Variants in ESCO1 observed in about 807,000 individuals in gnomAD.
ESCO1 encodes the protein establishment of sister chromatid cohesion N-acetyltransferase 1, also known as N-acetyltransferase ESCO1.
In ESCO1, 33 loss-of-function variants were observed where a neutral mutation model predicts 83.5. The observed-to-expected ratio is 0.40, with a 90% CI of 0.30 to 0.53. The LOEUF (loss-of-function observed/expected upper bound fraction) is 0.53. Among genes scored for constraint, ESCO1 ranks in the 20% least tolerant of loss-of-function variants. The probability of loss-of-function intolerance (pLI) is 0.63; values close to 1 mark genes in which losing one functional copy is unlikely to be tolerated. For synonymous variants in ESCO1, 332 were observed against 324.3 expected (o/e 1.02, Z -0.25); for missense variants, 855 against 968.0 (o/e 0.88, Z 1.55).
intron 3 of ESCO1, 25 bp downstream of exon 3, chr18:21,575,647 A>C (rs995938360): frequency 1.5e-5 from 6 of 398,308 alleles, no homozygotes; most frequent in African/African-American, 1.2e-4. Flanking sequence ...GTTGAAAATC[A>C]GTGTATTCCT....
intron 1 of ESCO1, among the ~76,000 whole-genome samples, chr18:21,598,493 A>G (rs2038795981): frequency 6.6e-6 from 1 of 152,064 alleles, no homozygotes; most frequent in Non-Finnish European, 1.5e-5. Context: ...TGAGGTCAGG[A>G]GTTCAAGACC....
intron 6 of ESCO1, among the ~76,000 whole-genome samples, chr18:21,565,813 CTA>C (rs1482492508): frequency 6.6e-6 from 1 of 152,196 alleles, no homozygotes; most frequent in East Asian, 1.9e-4. Flanking sequence ...TGGTGCCACA[CTA>C]TAGTCCTAGC....
intron 8 of ESCO1, among the ~76,000 whole-genome samples, chr18:21,559,380 AGAT>A: frequency 6.6e-6 from 1 of 152,366 alleles, no homozygotes; most frequent in East Asian, 1.9e-4. Context: ...TGTGTTTGGA[AGAT>A]GATGACTCCA....
chr18:21,553,276 CACA>C (rs2038067333), intron 8 of ESCO1, among the ~76,000 whole-genome samples: 1 of 151,658 alleles, frequency 6.6e-6, no homozygotes, highest in African/African-American at 2.4e-5. Context: ...AGTGACAGAG[CACA>C]ACCTTGTCTC....
At chr18:21,585,011 G>A (rs1007552886) in intron 1 of ESCO1, among the ~76,000 whole-genome samples, 8 of 151,724 alleles carry the variant, frequency 5.3e-5, no homozygotes, top group Admixed American at 3.3e-4. Context: ...GTGTGGTGGC[G>A]GGTGCCTGTA....
intron 8 of ESCO1, among the ~76,000 whole-genome samples, chr18:21,545,824 G>C (rs188689819): frequency 2.1e-4 from 32 of 152,218 alleles, no homozygotes; most frequent in South Asian, 8.3e-4. Flanking sequence ...AGCTACTCGG[G>C]GGGGCTGAGG....
intron 4 of ESCO1, among the ~76,000 whole-genome samples, chr18:21,570,536 A>G (rs1024138243): frequency 6.6e-6 from 1 of 152,234 alleles, no homozygotes; most frequent in Non-Finnish European, 1.5e-5. Context: ...ATGTGCTAGT[A>G]TTTTTGTAAA....
intron 2 of ESCO1, among the ~76,000 whole-genome samples, chr18:21,579,806 A>ACGCGCGCG (rs2095726413): frequency 1.1e-5 from 1 of 91,980 alleles, no homozygotes; most frequent in Non-Finnish European, 2.7e-5. Flanking sequence ...ACACACACAC[A>ACGCGCGCG]CACACACACA....
intron 1 of ESCO1, among the ~76,000 whole-genome samples, chr18:21,597,557 T>A (rs1467755501): frequency 6.6e-6 from 1 of 151,932 alleles, no homozygotes; most frequent in African/African-American, 2.4e-5. Flanking sequence ...AGTTTAATTA[T>A]TTCAAATGAA....
chr18:21,548,939 TAAAAAAAA>T (rs796154017), intron 8 of ESCO1, among the ~76,000 whole-genome samples: 10 of 140,328 alleles, frequency 7.1e-5, no homozygotes, highest in Non-Finnish European at 1.6e-4. Context: ...CCCTGTCTCT[TAAAAAAAA>T]AAAAAAGAGG....
At chr18:21,579,794 G>GCACA (rs765904584) in intron 2 of ESCO1, among the ~76,000 whole-genome samples, 600 of 37,152 alleles carry the variant, frequency 0.016, 10 homozygotes, top group Non-Finnish European at 0.037. Context: ...ACGCGCGCGC[G>GCACA]CACACACACA....
At chr18:21,548,304 G>A (rs1299086268) in intron 8 of ESCO1, among the ~76,000 whole-genome samples, 2 of 151,616 alleles carry the variant, frequency 1.3e-5, no homozygotes, top group Non-Finnish European at 2.9e-5. Flanking sequence ...ACCAGCCTGG[G>A]CTACACAGTA....
At chr18:21,530,607 T>TA in intron 11 of ESCO1, 117 bp from the exon 12 acceptor site, 1 of 922,488 alleles carries the variant, frequency 1.1e-6, no homozygotes. Flanking sequence ...AAAAGCTTTT[T>TA]AGATACTGCT....
rs568226827 is a variant in ESCO1 at position 21,576,948 on chromosome 18, G to A, written c.-693-1171C>T. ...CTCGGGAGGCTGAAGCAGGAGAATC[G>A]CTTGAACTCAGGAGGTGGAGGTTGC... is the stretch of plus-strand genomic sequence containing the variant. On this transcript the variant is annotated intron_variant, in intron 2 of 11. Coordinates refer to ENST00000269214, the MANE Select transcript of ESCO1 (RefSeq NM_052911.3). Among the ~76,000 whole-genome samples, 8 of 151,652 alleles carry A rather than the reference G, an allele frequency of 5.3e-5. No individual in the cohort carries two copies. The East Asian group carries it at 9.7e-4, about 18-fold the overall frequency.
rs141057709 is a variant in ESCO1 at position 21,540,279 on chromosome 18, C to T, written c.1954-270G>A. On this transcript the variant is annotated intron_variant, in intron 8 of 11. Transcript: ENST00000269214. ...AGAGTATTTCTAATTTATCATTTCC[C>T]GTTTTAAATTAATTTTGAAAGCCAC... is the stretch of plus-strand genomic sequence containing the variant. 2.1e-3 allele frequency among the ~76,000 whole-genome samples: 319 copies of T among 152,214 alleles called. 1 individual carries two copies. Among genetic ancestry groups the T allele is most frequent in the African/African-American group, 7.4e-3 (307 of 41,546 alleles).
At chr18:21,559,376 T>C (rs1402087520) in intron 8 of ESCO1, among the ~76,000 whole-genome samples, 1 of 152,252 alleles carries the variant, frequency 6.6e-6, no homozygotes, top group Admixed American at 6.5e-5. Flanking sequence ...AGAATGTGTT[T>C]GGAAGATGAT....
intron 4 of ESCO1, among the ~76,000 whole-genome samples, chr18:21,568,548 T>C (rs1024903204): frequency 1.3e-5 from 2 of 152,284 alleles, no homozygotes; most frequent in Middle Eastern, 3.4e-3. Context: ...AACTAGTGAG[T>C]GCACTTAAAA....
chr18:21,545,889 C>T (rs2037968007), intron 8 of ESCO1, among the ~76,000 whole-genome samples: 1 of 152,184 alleles, frequency 6.6e-6, no homozygotes, highest in East Asian at 1.9e-4. Flanking sequence ...GAGATCATGT[C>T]ACTGCACTCC....
chr18:21,581,470 G>T (rs2038501384), intron 2 of ESCO1, among the ~76,000 whole-genome samples: 1 of 152,016 alleles, frequency 6.6e-6, no homozygotes. Flanking sequence ...AATTAGCTGG[G>T]CATGGTCATG....
Sources: allele counts gnomAD v4.1 joint callset (sites outside exome capture counted in the v4.1 genomes callset), GRCh38; gene constraint gnomAD v4.1.1; transcripts MANE v1.5; gene names NCBI Gene and HGNC (gene_info 2026-07-23, HGNC 2026-07-21).